Variants in PTPRN2 observed in about 807,000 individuals in gnomAD.
PTPRN2 encodes receptor-type tyrosine-protein phosphatase N2.
Under a neutral mutation model 118.8 loss-of-function variants are expected in PTPRN2, and 74 were observed. That is an observed-to-expected ratio of 0.62 (90% CI 0.52 to 0.76). The LOEUF is 0.76. PTPRN2 is among the 30% of genes least tolerant of loss of function. The pLI, the probability that PTPRN2 is intolerant of heterozygous loss-of-function variation, is 0.00. For missense variants in PTPRN2, 1,481 were observed against 1,394.4 expected (o/e 1.06, Z -0.99); for synonymous variants, 641 against 608.0 (o/e 1.05, Z -0.80).
intron 11 of PTPRN2, among the ~76,000 whole-genome samples, chr7:157,909,020 T>G (rs1285867601): frequency 6.6e-6 from 1 of 152,168 alleles, no homozygotes; most frequent in East Asian, 1.9e-4. Flanking sequence ...AGTGACTTCA[T>G]GAAACAAGGG....
chr7:158,384,340 G>A (rs1490027211), intron 2 of PTPRN2, among the ~76,000 whole-genome samples: 6 of 152,210 alleles, frequency 3.9e-5, no homozygotes, highest in Non-Finnish European at 2.9e-5. Flanking sequence ...ACACAGGGCA[G>A]AAGCAGCCGG....
chr7:158,312,251 C>A (rs1201944236), intron 3 of PTPRN2, among the ~76,000 whole-genome samples: 4 of 110,212 alleles, frequency 3.6e-5, no homozygotes, highest in Non-Finnish European at 9.5e-5. Context: ...CACACACCTG[C>A]ACACGCACTC....
intron 12 of PTPRN2, among the ~76,000 whole-genome samples, chr7:157,737,167 C>CG (rs1404098196): frequency 6.6e-6 from 1 of 152,238 alleles, no homozygotes; most frequent in Non-Finnish European, 1.5e-5. Flanking sequence ...CATGAAGCTT[C>CG]GGTACACACG....
chr7:158,129,848 G>A (rs983365972), intron 9 of PTPRN2, among the ~76,000 whole-genome samples: 32 of 152,292 alleles, frequency 2.1e-4, no homozygotes, highest in African/African-American at 7.5e-4. Flanking sequence ...GCCATGAGAA[G>A]TTCCTGACTC....
At chr7:157,547,986 T>C (rs940975642) in intron 22 of PTPRN2, among the ~76,000 whole-genome samples, 1 of 152,214 alleles carries the variant, frequency 6.6e-6, no homozygotes, top group African/African-American at 2.4e-5. Flanking sequence ...GGTCAGTGGT[T>C]TGCATCGGTG....
chr7:158,447,197 C>A (rs1007299349), intron 2 of PTPRN2, among the ~76,000 whole-genome samples: 7 of 152,192 alleles, frequency 4.6e-5, no homozygotes, highest in African/African-American at 1.2e-4. Context: ...TGGGCCTGGG[C>A]AGCCTCTCCT....
At chr7:158,115,371 G>A (rs1816648297) in intron 9 of PTPRN2, among the ~76,000 whole-genome samples, 1 of 152,112 alleles carries the variant, frequency 6.6e-6, no homozygotes, top group Admixed American at 6.6e-5. Context: ...CAGCGGGTAA[G>A]GTGTTCAGAA....
At chr7:157,624,453 A>G (rs1803451060) in intron 14 of PTPRN2, among the ~76,000 whole-genome samples, 1 of 151,784 alleles carries the variant, frequency 6.6e-6, no homozygotes, top group Non-Finnish European at 1.5e-5. Context: ...AACACAGGTA[A>G]CCTACTGAGT....
In PTPRN2 at chr7:158,142,489, G is replaced by A. The variant is rs565364677; in HGVS notation, c.911-3974C>T. Among the ~76,000 whole-genome samples the A allele has an allele frequency of 3.7e-4, 56 of 152,314 alleles. 1 individual carries two copies. The highest frequency in any genetic ancestry group is 3.3e-3 in the Admixed American group (50 of 15,300). ...TGTACCCAGATCTCTCGGGCTTGCCGTCCTAAATCATAATGAAACCTGCCG... is the reference window on the plus strand; with the variant it reads ...TGTACCCAGATCTCTCGGGCTTGCCATCCTAAATCATAATGAAACCTGCCG... On this transcript the variant is annotated intron_variant, in intron 6 of 22. Coordinates refer to ENST00000389418, the MANE Select transcript of PTPRN2 (RefSeq NM_002847.5).
intron 2 of PTPRN2, among the ~76,000 whole-genome samples, chr7:158,323,422 G>T (rs951651308): frequency 6.6e-6 from 1 of 152,222 alleles, no homozygotes; most frequent in Non-Finnish European, 1.5e-5. Flanking sequence ...GACCGGAATG[G>T]ACAGTGCTAA....
At chr7:157,918,741 GACA>G (rs751787565) in intron 11 of PTPRN2, among the ~76,000 whole-genome samples, 59 of 152,182 alleles carry the variant, frequency 3.9e-4, no homozygotes, top group Non-Finnish European at 6.9e-4. Context: ...TAAAATTCCA[GACA>G]ACGATATAGG....
chr7:158,199,680 G>A lies in PTPRN2; in HGVS notation c.380+5491C>T, dbSNP rs564278302. 2.0e-5 allele frequency among the ~76,000 whole-genome samples: 3 copies of A among 150,132 alleles called. No individual in the cohort carries two copies. The East Asian group carries it at 5.8e-4, about 29-fold the overall frequency. On this transcript the variant is annotated intron_variant, in intron 4 of 22. Coordinates refer to ENST00000389418, the MANE Select transcript of PTPRN2 (RefSeq NM_002847.5). ...ATACACATGGAGTGGAGAAAGCCAGGTGACATTCTTCGTTAGTGTAGCTAC... is the reference window on the plus strand; with the variant it reads ...ATACACATGGAGTGGAGAAAGCCAGATGACATTCTTCGTTAGTGTAGCTAC...
At chr7:158,293,352 G>T (rs1321046917) in intron 3 of PTPRN2, among the ~76,000 whole-genome samples, 3 of 152,054 alleles carry the variant, frequency 2.0e-5, no homozygotes, top group Non-Finnish European at 4.4e-5. Context: ...TGAGACAGGT[G>T]ATCACCTGAA....
intron 12 of PTPRN2, among the ~76,000 whole-genome samples, chr7:157,759,647 GC>G (rs1422903014): frequency 6.6e-6 from 1 of 152,234 alleles, no homozygotes; most frequent in Non-Finnish European, 1.5e-5. Context: ...TTTATCTTCA[GC>G]GGTTGCTGTT....
intron 1 of PTPRN2, among the ~76,000 whole-genome samples, chr7:158,561,403 G>C (rs980657232): frequency 2.0e-5 from 3 of 152,188 alleles, no homozygotes; most frequent in Non-Finnish European, 2.9e-5. Flanking sequence ...TGCCGCTTCT[G>C]CAGGACATGG....
rs975846065 is a variant in PTPRN2 at position 157,999,873 on chromosome 7, CTTTTTT to C, written c.1723+81419_1723+81424del. Among the ~76,000 whole-genome samples, 7 of 148,330 alleles carry C rather than the reference CTTTTTT, an allele frequency of 4.7e-5. No homozygotes were observed. The East Asian group carries it at 1.4e-3, about 29-fold the overall frequency. ...CTTTGGCCTCTGGTTTTTATTTTTA[CTTTTTT>C]TTTTTATTTTTCATTATTATTTTTT... On this transcript the variant is annotated intron_variant, in intron 11 of 22. Transcript: ENST00000389418.
chr7:158,411,738 G>A (rs1413414697), intron 2 of PTPRN2, among the ~76,000 whole-genome samples: 1 of 152,232 alleles, frequency 6.6e-6, no homozygotes, highest in East Asian at 1.9e-4. Context: ...TCAGATGGGA[G>A]CATGGTCTCA....
At chr7:157,715,303 G>T (rs1002695069) in intron 12 of PTPRN2, among the ~76,000 whole-genome samples, 1 of 152,192 alleles carries the variant, frequency 6.6e-6, no homozygotes, top group East Asian at 1.9e-4. Flanking sequence ...GCCGGCGGCC[G>T]CGGGAAACCC....
In PTPRN2 at chr7:157,611,651, G is replaced by C. The variant is rs1475026483; in HGVS notation, c.2345-7576C>G. Among the ~76,000 whole-genome samples, 1 of 152,164 alleles carries C rather than the reference G, an allele frequency of 6.6e-6. No homozygotes were observed. The highest frequency in any genetic ancestry group is 1.5e-5 in the Non-Finnish European group (1 of 68,030). On this transcript the variant is annotated intron_variant, in intron 15 of 22. Coordinates refer to ENST00000389418, the MANE Select transcript of PTPRN2 (RefSeq NM_002847.5). This position sits in a 1 kb window ranked among gnomAD's most constrained non-coding sequence, Gnocchi z 5.9. Reference sequence around the variant, plus strand: ...CCTAATGCAATATGACTGGCGTGCTGTTAGGAAGAAGGACTCTGCACACCC... The same window carrying C: ...CCTAATGCAATATGACTGGCGTGCTCTTAGGAAGAAGGACTCTGCACACCC...
Sources: gnomAD v4.1 joint callset for allele counts (sites outside exome capture counted in the v4.1 genomes callset) on GRCh38, gnomAD v4.1.1 for gene constraint, Gnocchi (gnomAD v3.1) non-coding constraint, MANE v1.5 for transcripts, NCBI Gene and HGNC (gene_info 2026-07-23, HGNC 2026-07-21) for gene names.